The following CCT4 variants were observed in gnomAD, a reference collection of about 807,000 sequenced individuals.
The protein encoded by CCT4 is T-complex protein 1 subunit delta.
CCT4 carries 17 observed loss-of-function variants against 62.5 expected under a neutral mutation model. That is an observed-to-expected ratio of 0.27 (90% confidence interval 0.19 to 0.41). The LOEUF is 0.41. Among genes scored for constraint, CCT4 ranks in the 10% least tolerant of loss-of-function variants. The pLI is 1.00. For missense variants in CCT4, 592 were observed against 659.2 expected, an observed-to-expected ratio of 0.90 and a Z score of 1.12; for synonymous variants, 250 against 229.9, an observed-to-expected ratio of 1.09 and a Z score of -0.79.
At position 61,888,578 on chromosome 2, in the gene CCT4, A is replaced by T; in HGVS notation, c.-71T>A. ...CCCGGATTCTGGCCGGCCGCAGTGT[A>T]ATAACGGTAAGCCCTCACTGCCTTC... is the stretch of plus-strand genomic sequence containing the variant. On this transcript the variant is annotated 5_prime_UTR_variant, in exon 1 of 14. Transcript: ENST00000394440. 1 of 1,551,770 alleles carries T rather than the reference A, an allele frequency of 6.4e-7. No individual in the cohort carries two copies.
At chr2:61,884,731 C>G (rs1669210798) in intron 2 of CCT4, among the ~76,000 whole-genome samples, 1 of 152,026 alleles carries the variant, frequency 6.6e-6, no homozygotes, top group African/African-American at 2.4e-5. Flanking sequence ...CAGGTTCAAG[C>G]AATTCTCCTG....
chr2:61,883,670 CCCTTA>C, intron 2 of CCT4, 122 bp from the exon 3 acceptor site: 1 of 622,356 alleles, frequency 1.6e-6, no homozygotes, highest in Non-Finnish European at 2.8e-6. Context: ...AAATTCTCTT[CCCTTA>C]CATTAGCATA....
At chr2:61,884,917 C>G (rs112411608) in intron 2 of CCT4, 103 bp downstream of exon 2, 8 of 1,000,502 alleles carry the variant, frequency 8.0e-6, no homozygotes, top group Middle Eastern at 2.1e-4. Flanking sequence ...TGAGCCACCA[C>G]GCCCAGCCCC....
intron 7 of CCT4, among the ~76,000 whole-genome samples, 185 bp downstream of exon 7, chr2:61,876,735 T>C (rs1669009546): frequency 1.3e-5 from 2 of 152,214 alleles, no homozygotes; most frequent in East Asian, 1.9e-4. Context: ...TCAATTTCAA[T>C]ATCCCAACTG....
chr2:61,881,964 ACT>A (rs1485860723), intron 3 of CCT4, among the ~76,000 whole-genome samples: 6 of 147,166 alleles, frequency 4.1e-5, no homozygotes, highest in African/African-American at 1.0e-4. Context: ...ACGGAGTCTT[ACT>A]CTGTCACCCC....
chr2:61,869,936 A>G (rs1367837884), intron 12 of CCT4, among the ~76,000 whole-genome samples: 1 of 149,562 alleles, frequency 6.7e-6, no homozygotes, highest in Non-Finnish European at 1.5e-5. Context: ...CTGGCCACTT[A>G]TTTTTAAATA....
At chr2:61,870,973 G>A (rs541721519) in intron 12 of CCT4, among the ~76,000 whole-genome samples, 195 of 8,438 alleles carry the variant, frequency 0.023, 3 homozygotes, top group South Asian at 0.064. Context: ...TCCCAACTAC[G>A]GGAAGGAAAA....
intron 3 of CCT4, among the ~76,000 whole-genome samples, chr2:61,882,224 C>T (rs11692374): frequency 0.16 from 24,485 of 152,042 alleles, 2,056 homozygotes; most frequent in South Asian, 0.19. Flanking sequence ...CGAGCCACTG[C>T]GACCAGACTG....
intron 10 of CCT4, 72 bp downstream of exon 10, chr2:61,872,930 A>G: frequency 1.1e-6 from 1 of 925,776 alleles, no homozygotes; most frequent in African/African-American, 1.7e-5. Context: ...CCGTCTCAAA[A>G]AAAGAAAAAA....
At chr2:61,872,981 A>C in intron 10 of CCT4, 21 bp downstream of exon 10, 1 of 1,368,140 alleles carries the variant, frequency 7.3e-7, no homozygotes, top group Non-Finnish European at 1.0e-6. Flanking sequence ...GCAAATAAAA[A>C]TTTAAGTGTA....
chr2:61,872,918 C>T, intron 10 of CCT4, 84 bp downstream of exon 10: 1 of 827,970 alleles, frequency 1.2e-6, no homozygotes. Context: ...CAGAGTGAGA[C>T]TCCGTCTCAA....
intron 3 of CCT4, among the ~76,000 whole-genome samples, chr2:61,882,975 T>C (rs1372671451): frequency 1.3e-5 from 2 of 152,168 alleles, no homozygotes. Flanking sequence ...GCTTGATTTG[T>C]GTTTTATTAT....
chr2:61,872,120 C>A lies in CCT4; in HGVS notation c.1453G>T (p.Ala485Ser). 6.2e-7 allele frequency: 1 copy of A among 1,613,836 alleles called. No homozygotes were observed. The highest frequency in any genetic ancestry group is 8.5e-7 in the Non-Finnish European group (1 of 1,179,888). ...ATGCCTGCAGTTTTTTCTCCCTGGG[C>A]ATGCCGGTTTCTTAGTTCTGTTACT... ...STVTELRNRHAQGEKTAGINV... is the reference protein window; with the variant it reads ...STVTELRNRHSQGEKTAGINV... Residue 485 changes from alanine to serine, a missense_variant, in exon 12 of 14, where the codon GCC (alanine) becomes TCC (serine). Transcript: ENST00000394440.
At chr2:61,870,309 A>C (rs1668857479) in intron 12 of CCT4, among the ~76,000 whole-genome samples, 1 of 152,060 alleles carries the variant, frequency 6.6e-6, no homozygotes, top group African/African-American at 2.4e-5. Flanking sequence ...TTATCTCTTT[A>C]ATGTTTAAAT....
rs6748331 is a variant in CCT4 at position 61,880,666 on chromosome 2, T to C, written c.271-272A>G. On this transcript the variant is annotated intron_variant, in intron 3 of 13. Coordinates refer to ENST00000394440, the MANE Select transcript of CCT4 (RefSeq NM_006430.4). ...AATATATCGTAAGTACTCTATAGAATTGGAAGCTAAGAAAAGGGGCATTCC... is the reference window on the plus strand; with the variant it reads ...AATATATCGTAAGTACTCTATAGAACTGGAAGCTAAGAAAAGGGGCATTCC... 3.5e-3 allele frequency among the ~76,000 whole-genome samples: 528 copies of C among 152,256 alleles called. 3 individuals carry two copies. The highest frequency in any genetic ancestry group is 0.012 in the African/African-American group (512 of 41,558).
At chr2:61,882,702 G>T (rs1212751254) in intron 3 of CCT4, among the ~76,000 whole-genome samples, 1 of 152,038 alleles carries the variant, frequency 6.6e-6, no homozygotes, top group East Asian at 1.9e-4. Context: ...GTAGAGACAA[G>T]GTCTCGCCAT....
intron 13 of CCT4, among the ~76,000 whole-genome samples, 186 bp downstream of exon 13, chr2:61,869,254 T>G (rs1280445966): frequency 6.6e-6 from 1 of 151,936 alleles, no homozygotes; most frequent in Non-Finnish European, 1.5e-5. Flanking sequence ...GAGAATCACT[T>G]GAACCCCAGA....
chr2:61,869,637 A>G (rs531760670), intron 12 of CCT4, 84 bp from the exon 13 acceptor site: 1 of 744,470 alleles, frequency 1.3e-6, no homozygotes, highest in Non-Finnish European at 2.5e-6. Context: ...GTACCTCAAG[A>G]CCTAAATCTA....
At chr2:61,877,605 T>C (rs1304257229) in intron 5 of CCT4, 91 bp from the exon 6 acceptor site, 51 of 1,043,780 alleles carry the variant, frequency 4.9e-5, no homozygotes, top group South Asian at 1.9e-4. Context: ...AAGACTCTTA[T>C]AATTTTTGCA....
Sources: allele counts gnomAD v4.1 joint callset (sites outside exome capture counted in the v4.1 genomes callset), GRCh38; gene constraint gnomAD v4.1.1; transcripts MANE v1.5; gene names NCBI Gene and HGNC (gene_info 2026-07-23, HGNC 2026-07-21).